Variants in RPS6KC1 observed in about 807,000 individuals in gnomAD.
RPS6KC1 encodes the protein ribosomal protein S6 kinase C1, also known as inactive ribosomal protein S6 kinase delta-1.
Under a neutral mutation model 103.8 loss-of-function variants are expected in RPS6KC1, and 54 were observed. That is an observed-to-expected ratio of 0.52 (90% CI 0.42 to 0.65). The LOEUF (loss-of-function observed/expected upper bound fraction) is 0.65. Among genes scored for constraint, RPS6KC1 ranks in the 30% least tolerant of loss-of-function variants. The probability of loss-of-function intolerance (pLI) is 0.00; values close to 1 mark genes in which losing one functional copy is unlikely to be tolerated. For missense variants in RPS6KC1, 1,151 were observed against 1,253.8 expected (o/e 0.92, Z 1.24); for synonymous variants, 439 against 438.7 (o/e 1.00, Z -0.01).
chr1:213,527,864 T>G, the RPS6KC1 span, among the ~76,000 whole-genome samples: 1 of 152,128 alleles, frequency 6.6e-6, no homozygotes, highest in Non-Finnish European at 1.5e-5. Context: ...GAACATACAT[T>G]TTGTATGTTA....
the RPS6KC1 span, among the ~76,000 whole-genome samples, chr1:213,507,646 G>A: frequency 1.3e-5 from 2 of 151,790 alleles, no homozygotes; most frequent in Non-Finnish European, 2.9e-5. Context: ...CTGCATTGCG[G>A]GCCTCCGGAA....
At chr1:213,803,594 C>T in the RPS6KC1 span, among the ~76,000 whole-genome samples, 7 of 152,072 alleles carry the variant, frequency 4.6e-5, no homozygotes, top group Admixed American at 1.3e-4. Context: ...GGAGCTTCTG[C>T]GTTTCAGAGT....
chr1:213,218,512 A>G (rs1185630562), intron 8 of RPS6KC1, among the ~76,000 whole-genome samples: 3 of 152,164 alleles, frequency 2.0e-5, no homozygotes, highest in Non-Finnish European at 2.9e-5. Flanking sequence ...CAGAATTGGA[A>G]AAAACTACTT....
chr1:213,164,446 T>C (rs1041426274), intron 6 of RPS6KC1, among the ~76,000 whole-genome samples: 6 of 152,202 alleles, frequency 3.9e-5, no homozygotes, highest in African/African-American at 1.4e-4. Flanking sequence ...GATCAGAAAT[T>C]GAGAAGGTGA....
the RPS6KC1 span, among the ~76,000 whole-genome samples, chr1:213,480,765 C>A: frequency 2.5e-4 from 38 of 152,148 alleles, no homozygotes; most frequent in East Asian, 4.8e-3. Context: ...CAGTAAGTAG[C>A]CTTTTTGGCA....
chr1:213,086,877 T>G (rs2080448174), intron 3 of RPS6KC1, among the ~76,000 whole-genome samples: 1 of 152,180 alleles, frequency 6.6e-6, no homozygotes, highest in South Asian at 2.1e-4. Context: ...TTAGAATTGT[T>G]TATAATACCT....
intron 6 of RPS6KC1, among the ~76,000 whole-genome samples, chr1:213,137,722 T>C (rs1189658945): frequency 1.3e-5 from 2 of 149,056 alleles, no homozygotes; most frequent in Non-Finnish European, 3.0e-5. Context: ...TTCGTTTGTT[T>C]TTTCCTGTGC....
chr1:213,585,852 G>C, the RPS6KC1 span, among the ~76,000 whole-genome samples: 1 of 152,018 alleles, frequency 6.6e-6, no homozygotes, highest in African/African-American at 2.4e-5. Flanking sequence ...ACAAAGACTG[G>C]GTGCCCAGGA....
At chr1:213,601,842 C>G in the RPS6KC1 span, among the ~76,000 whole-genome samples, 20 of 151,928 alleles carry the variant, frequency 1.3e-4, no homozygotes, top group South Asian at 4.2e-4. Flanking sequence ...AACTTCCAGT[C>G]TTTATTATTC....
chr1:213,188,430 T>G (rs1299833477), intron 8 of RPS6KC1, among the ~76,000 whole-genome samples: 2 of 152,046 alleles, frequency 1.3e-5, no homozygotes, highest in Non-Finnish European at 1.5e-5. Flanking sequence ...TTGTTTGTTT[T>G]TTTCTTACTT....
chr1:213,095,799 T>C (rs922760803), intron 3 of RPS6KC1, among the ~76,000 whole-genome samples: 1 of 152,206 alleles, frequency 6.6e-6, no homozygotes, highest in South Asian at 2.1e-4. Context: ...AATTAAGAAA[T>C]ACTATATTGC....
intron 8 of RPS6KC1, among the ~76,000 whole-genome samples, chr1:213,229,351 T>C (rs1222708741): frequency 6.6e-6 from 1 of 152,164 alleles, no homozygotes; most frequent in South Asian, 2.1e-4. Flanking sequence ...CCTTAAATTC[T>C]GTCTTTCCTT....
Position 213,167,845 on chromosome 1 carries a change from C to CTTTT in RPS6KC1, c.836-6_836-3dup. 7.7e-7 allele frequency: 1 copy of CTTTT among 1,291,442 alleles called. No individual in the cohort carries two copies. Among genetic ancestry groups the CTTTT allele is most frequent in the Non-Finnish European group, 1.1e-6 (1 of 944,362 alleles). 80.0% of individuals were successfully genotyped at this position (1,291,442 alleles called of 1,614,324 possible). On this transcript the variant is annotated splice_polypyrimidine_tract_variant and intron_variant, in intron 6 of 14. Transcript: ENST00000366960. ...AAAATTTATTTTTTACATGTCCAGA[C>CTTTT]TTTTTTTTTTAGGAGAGTCAAGCCC... is the stretch of plus-strand genomic sequence containing the variant.
chr1:213,853,940 A>G, the RPS6KC1 span, among the ~76,000 whole-genome samples: 1 of 152,226 alleles, frequency 6.6e-6, no homozygotes, highest in African/African-American at 2.4e-5. Context: ...ATATAACACC[A>G]GCATTGAGAA....
At chr1:213,566,167 G>A in the RPS6KC1 span, among the ~76,000 whole-genome samples, 1 of 152,102 alleles carries the variant, frequency 6.6e-6, no homozygotes, top group Non-Finnish European at 1.5e-5. Context: ...CCTACATAGT[G>A]TTTATACAAG....
At chr1:213,363,637 T>C in the RPS6KC1 span, among the ~76,000 whole-genome samples, 2 of 47,260 alleles carry the variant, frequency 4.2e-5, no homozygotes, top group African/African-American at 3.1e-4. Flanking sequence ...TTTCTTTCTT[T>C]CTTTCTTTCT....
At chr1:213,617,470 C>T in the RPS6KC1 span, among the ~76,000 whole-genome samples, 1 of 152,166 alleles carries the variant, frequency 6.6e-6, no homozygotes, top group Admixed American at 6.5e-5. Flanking sequence ...GGGCCTTCTC[C>T]AGCTTAGAAT....
the RPS6KC1 span, among the ~76,000 whole-genome samples, chr1:213,627,591 T>C: frequency 0.054 from 8,257 of 152,158 alleles, 518 homozygotes; most frequent in African/African-American, 0.16. Context: ...TTTTGTGATA[T>C]GTCCCATCAA....
chr1:213,271,763 C>CA (rs58938920), intron 14 of RPS6KC1, among the ~76,000 whole-genome samples: 109,521 of 114,750 alleles, frequency 0.95, 52,335 homozygotes, highest in South Asian at 0.98. Flanking sequence ...AACTCCGTCT[C>CA]AAAAAAAAAA....
Sources: allele counts gnomAD v4.1 joint callset (sites outside exome capture counted in the v4.1 genomes callset), GRCh38; gene constraint gnomAD v4.1.1; transcripts MANE v1.5; gene names NCBI Gene and HGNC (gene_info 2026-07-23, HGNC 2026-07-21).